Variants in INPP4B observed in about 807,000 individuals in gnomAD.
INPP4B encodes the protein inositol polyphosphate 4-phosphatase type II.
A neutral mutation model predicts 122.5 loss-of-function variants in INPP4B; 55 were observed. The ratio of observed to expected loss-of-function variants is 0.45; its 90% CI spans 0.36 to 0.56. The LOEUF is 0.56. Among genes scored for constraint, INPP4B ranks in the 20% least tolerant of loss-of-function variants. The pLI is 0.00. For missense variants in INPP4B, 1,000 were observed against 1,097.7 expected (o/e 0.91, Z 1.26); for synonymous variants, 403 against 388.7 (o/e 1.04, Z -0.43).
intron 9 of INPP4B, among the ~76,000 whole-genome samples, chr4:142,276,189 GAACC>G (rs1174003911): frequency 2.0e-5 from 3 of 151,800 alleles, no homozygotes; most frequent in Non-Finnish European, 4.4e-5. Flanking sequence ...TATACCTGAA[GAACC>G]TACTTCCCTT....
intron 25 of INPP4B, among the ~76,000 whole-genome samples, chr4:142,055,693 TC>T (rs746472866): frequency 3.1e-4 from 47 of 149,598 alleles, no homozygotes; most frequent in Admixed American, 9.4e-4. Context: ...TTCTACTAAA[TC>T]TTTTTTTTTT....
intron 2 of INPP4B, among the ~76,000 whole-genome samples, chr4:142,588,685 TCC>T (rs1736769193): frequency 6.6e-6 from 1 of 151,432 alleles, no homozygotes; most frequent in African/African-American, 2.4e-5. Context: ...ATGAAATAAA[TCC>T]AAGAAGTTCT....
intron 1 of INPP4B, among the ~76,000 whole-genome samples, chr4:142,734,636 G>A (rs1350959453): frequency 6.7e-6 from 1 of 150,054 alleles, no homozygotes; most frequent in Non-Finnish European, 1.5e-5. Context: ...GGCACTATTA[G>A]ATTTTGTTTG....
Position 142,540,758 on chromosome 4 carries a change from A to T in INPP4B, c.-190-78032T>A, listed in dbSNP as rs370466263. ...ACTGTAAGGTGTGTATGTGTGTGTGAGAGAGAGAGAAGGCATATTCTACAT... is the reference window on the plus strand; with the variant it reads ...ACTGTAAGGTGTGTATGTGTGTGTGTGAGAGAGAGAAGGCATATTCTACAT... On this transcript the variant is annotated intron_variant, in intron 2 of 25. Coordinates refer to ENST00000262992, the MANE Select transcript of INPP4B (RefSeq NM_001101669.3). Among the ~76,000 whole-genome samples the T allele has an allele frequency of 2.3e-3, 343 of 151,566 alleles. 2 individuals are homozygous for T. The highest frequency in any genetic ancestry group is 5.8e-3 in the African/African-American group (237 of 41,096).
At chr4:142,310,518 A>G (rs1200734479) in intron 8 of INPP4B, among the ~76,000 whole-genome samples, 1 of 152,166 alleles carries the variant, frequency 6.6e-6, no homozygotes, top group African/African-American at 2.4e-5. Flanking sequence ...GGTTAAATGA[A>G]TATATCAATA....
At chr4:142,331,172 C>CT (rs1774336586) in intron 7 of INPP4B, among the ~76,000 whole-genome samples, 1 of 152,110 alleles carries the variant, frequency 6.6e-6, no homozygotes, top group African/African-American at 2.4e-5. Context: ...TAACAATTGG[C>CT]TTTTAAAGGA....
intron 25 of INPP4B, among the ~76,000 whole-genome samples, chr4:142,064,680 C>A (rs1454018513): frequency 6.6e-6 from 1 of 152,006 alleles, no homozygotes; most frequent in Admixed American, 6.6e-5. Context: ...CTTTTTCTCA[C>A]TTTTGTTCTA....
At chr4:142,350,009 A>G (rs911107547) in intron 7 of INPP4B, among the ~76,000 whole-genome samples, 1 of 152,012 alleles carries the variant, frequency 6.6e-6, no homozygotes, top group African/African-American at 2.4e-5. Flanking sequence ...TTGCCTTAAA[A>G]ATAGTCTTGC....
chr4:142,618,890 T>C (rs557941894), intron 2 of INPP4B, among the ~76,000 whole-genome samples: 1 of 151,548 alleles, frequency 6.6e-6, no homozygotes, highest in Non-Finnish European at 1.5e-5. Flanking sequence ...AATAAATAAA[T>C]AAATAAATAA....
chr4:142,725,797 G>A (rs1293894206), intron 2 of INPP4B, 42 bp downstream of exon 2: 1 of 396,084 alleles, frequency 2.5e-6, no homozygotes, highest in African/African-American at 2.1e-5. Flanking sequence ...TTCATGTAGA[G>A]TTATACAGAA....
intron 2 of INPP4B, among the ~76,000 whole-genome samples, chr4:142,612,708 T>C (rs1244428559): frequency 1.3e-5 from 2 of 152,160 alleles, no homozygotes; most frequent in African/African-American, 4.8e-5. Context: ...TGGGGCCTTT[T>C]TTATGAGGGC....
intron 7 of INPP4B, among the ~76,000 whole-genome samples, chr4:142,338,737 CT>C (rs1561884592): frequency 1.3e-5 from 2 of 152,158 alleles, no homozygotes; most frequent in Admixed American, 6.5e-5. Flanking sequence ...CCATTAAAGA[CT>C]TTCATTTCCT....
chr4:142,038,860 T>A (rs1745591682), intron 25 of INPP4B, among the ~76,000 whole-genome samples: 1 of 152,178 alleles, frequency 6.6e-6, no homozygotes, highest in Non-Finnish European at 1.5e-5. Flanking sequence ...TTTTAGATAT[T>A]TTTTTTCATA....
chr4:142,600,272 T>A (rs1739625961), intron 2 of INPP4B, among the ~76,000 whole-genome samples: 1 of 152,082 alleles, frequency 6.6e-6, no homozygotes, highest in South Asian at 2.1e-4. Context: ...CCCACTTGGA[T>A]CTCTTTCTCA....
intron 2 of INPP4B, among the ~76,000 whole-genome samples, chr4:142,659,233 A>C (rs1253482057): frequency 4.7e-5 from 5 of 106,190 alleles, no homozygotes; most frequent in Non-Finnish European, 8.1e-5. Flanking sequence ...CCCCGCCTCT[A>C]CTAAAAATAC....
intron 16 of INPP4B, among the ~76,000 whole-genome samples, chr4:142,166,743 C>A (rs1391425974): frequency 6.6e-6 from 1 of 151,658 alleles, no homozygotes; most frequent in Admixed American, 6.6e-5. Context: ...TGAACAGATT[C>A]TTCTCAAAAG....
intron 7 of INPP4B, among the ~76,000 whole-genome samples, chr4:142,389,453 T>TTAA (rs1259669904): frequency 6.6e-6 from 1 of 152,212 alleles, no homozygotes; most frequent in East Asian, 1.9e-4. Flanking sequence ...CCTTTTAGTT[T>TTAA]ACGTGACTTT....
chr4:142,657,923 A>G (rs761216579), intron 2 of INPP4B, among the ~76,000 whole-genome samples: 68 of 152,322 alleles, frequency 4.5e-4, no homozygotes, highest in Non-Finnish European at 6.0e-4. Flanking sequence ...TTACTTCGGA[A>G]GGCCCCTGAA....
intron 1 of INPP4B, among the ~76,000 whole-genome samples, chr4:142,804,207 T>G (rs1778390695): frequency 6.6e-6 from 1 of 152,204 alleles, no homozygotes; most frequent in African/African-American, 2.4e-5. Context: ...ATGTATCACT[T>G]TAGCATTGAA....
Sources: gnomAD v4.1 joint callset for allele counts (sites outside exome capture counted in the v4.1 genomes callset) on GRCh38, gnomAD v4.1.1 for gene constraint, MANE v1.5 for transcripts, NCBI Gene and HGNC (gene_info 2026-07-23, HGNC 2026-07-21) for gene names.